The following KMT5B variants were observed in gnomAD, a reference collection of about 807,000 sequenced individuals.
The protein encoded by KMT5B is histone-lysine N-methyltransferase KMT5B.
Under a neutral mutation model 83.2 loss-of-function variants are expected in KMT5B, and 10 were observed. The observed-to-expected ratio is 0.12, with a 90% CI of 0.07 to 0.20. The LOEUF is 0.20. KMT5B is among the 10% of genes least tolerant of loss of function. The pLI, the probability that KMT5B is intolerant of heterozygous loss-of-function variation, is 1.00. For synonymous variants in KMT5B, 349 were observed against 388.8 expected (o/e 0.90, Z 1.20); for missense variants, 753 against 1,067.2 (o/e 0.71, Z 4.10).
chr11:68,165,994 A>G, intron 10 of KMT5B: 3 of 1,612,646 alleles, frequency 1.9e-6, no homozygotes, highest in Non-Finnish European at 2.5e-6. Flanking sequence ...AACATCTGAA[A>G]GTAGGGAGAA....
intron 10 of KMT5B, chr11:68,164,663 G>C (rs1172550051): frequency 1.9e-6 from 1 of 514,544 alleles, no homozygotes; most frequent in Non-Finnish European, 3.9e-6. Flanking sequence ...CTGATCCTTG[G>C]ATTGCTCCAA....
intron 1 of KMT5B, among the ~76,000 whole-genome samples, chr11:68,208,596 C>T (rs1409885674): frequency 1.3e-5 from 2 of 152,058 alleles, no homozygotes; most frequent in Admixed American, 6.6e-5. Context: ...CAATCTGATG[C>T]GAGCTGTAAG....
chr11:68,188,365 A>C (rs893119512), intron 2 of KMT5B, among the ~76,000 whole-genome samples: 3 of 144,834 alleles, frequency 2.1e-5, no homozygotes, highest in African/African-American at 5.2e-5. Flanking sequence ...TTCTTTAAAC[A>C]AGAGTCTCAT....
At chr11:68,213,598 C>G (rs1001600196), upstream of KMT5B, 17 of 153,652 alleles carry the variant, frequency 1.1e-4, no homozygotes, top group Admixed American at 1.1e-3. Context: ...CATCGCCCCG[C>G]TGCCCTGCCG....
intron 9 of KMT5B, among the ~76,000 whole-genome samples, chr11:68,169,566 G>A (rs1855647455): frequency 6.6e-6 from 1 of 152,186 alleles, no homozygotes; most frequent in Non-Finnish European, 1.5e-5. Context: ...ATGCTTTACA[G>A]GAAATAACAA....
At chr11:68,191,801 C>T (rs575830277) in intron 1 of KMT5B, among the ~76,000 whole-genome samples, 71 of 152,224 alleles carry the variant, frequency 4.7e-4, no homozygotes, top group Non-Finnish European at 8.5e-4. Flanking sequence ...CCTAAGTGTA[C>T]GGTGTTAATA....
intron 1 of KMT5B, among the ~76,000 whole-genome samples, chr11:68,191,127 C>T (rs1278088381): frequency 6.6e-6 from 1 of 151,062 alleles, no homozygotes; most frequent in Non-Finnish European, 1.5e-5. Context: ...TCCCAAGTAG[C>T]TGGGACTAGA....
intron 1 of KMT5B, among the ~76,000 whole-genome samples, chr11:68,201,092 A>G (rs898102799): frequency 3.3e-5 from 5 of 152,196 alleles, no homozygotes; most frequent in African/African-American, 1.2e-4. Context: ...TTTAAAGGGG[A>G]AAAGATTTCA....
chr11:68,206,450 C>T (rs1003819047), intron 1 of KMT5B, among the ~76,000 whole-genome samples: 3 of 152,250 alleles, frequency 2.0e-5, no homozygotes, highest in East Asian at 1.9e-4. Context: ...TTGGGCTGGA[C>T]GTTAGAGGCC....
rs201173636 is a variant in KMT5B at position 68,158,726 on chromosome 11, C to T, written c.1620G>A (p.Arg540=). Reference sequence around the variant, plus strand: ...TCAGATTTGTTCTTGTCCTCACTGACCGCCGAGTTATGTAGGTGCAGGGCG... The same window carrying T: ...TCAGATTTGTTCTTGTCCTCACTGATCGCCGAGTTATGTAGGTGCAGGGCG... ...ESSPCTYITR[R]SVRTRTNLKE... Residue 540 remains arginine, a synonymous_variant, in exon 11 of 11, where the codon CGG becomes CGA. Coordinates refer to ENST00000304363, the MANE Select transcript of KMT5B (RefSeq NM_017635.5). 8.1e-6 allele frequency: 13 copies of T among 1,614,144 alleles called. No individual in the cohort carries two copies. In the East Asian group the frequency reaches 2.9e-4, roughly 36 times the overall value.
At chr11:68,162,171 A>G (rs1288927323) in intron 10 of KMT5B, among the ~76,000 whole-genome samples, 2 of 152,136 alleles carry the variant, frequency 1.3e-5, no homozygotes, top group Non-Finnish European at 2.9e-5. Context: ...TGCATGAACT[A>G]TGGCAGTTTT....
At chr11:68,162,053 G>A (rs565976403) in intron 10 of KMT5B, among the ~76,000 whole-genome samples, 1 of 152,242 alleles carries the variant, frequency 6.6e-6, no homozygotes, top group African/African-American at 2.4e-5. Context: ...CTTGACTCCT[G>A]CTCTCCTGAA....
intron 1 of KMT5B, among the ~76,000 whole-genome samples, chr11:68,196,508 A>G (rs1209192370): frequency 6.7e-6 from 1 of 149,846 alleles, no homozygotes; most frequent in African/African-American, 2.5e-5. Flanking sequence ...AACTGATGAA[A>G]TAAATAGGTT....
rs775068563 is a variant in KMT5B, at chr11:68,157,970, T to C, written c.2376A>G (p.Thr792=). The C allele has an allele frequency of 1.2e-5, 20 of 1,614,200 alleles. No homozygotes were observed. The South Asian group carries it at 2.0e-4, about 16-fold the overall frequency. ...KRDEENRGSY[T]EGLHENGVCC... is the part of the protein sequence containing the mutation. ...ACACCCCATTTTCATGAAGCCCCTCTGTATAAGACCCCCTATTTTCCTCAT... is the reference window on the plus strand; with the variant it reads ...ACACCCCATTTTCATGAAGCCCCTCCGTATAAGACCCCCTATTTTCCTCAT... The change falls in exon 11 of 11, where the codon ACA becomes ACG. Residue 792 remains threonine (T), a synonymous_variant. Transcript: ENST00000304363.
At chr11:68,190,386 T>A (rs937477842) in intron 1 of KMT5B, among the ~76,000 whole-genome samples, 2 of 152,240 alleles carry the variant, frequency 1.3e-5, no homozygotes, top group Non-Finnish European at 2.9e-5. Flanking sequence ...TATATTATAC[T>A]TTTTACTGTT....
At chr11:68,207,786 A>G (rs1299546619) in intron 1 of KMT5B, among the ~76,000 whole-genome samples, 10 of 134,398 alleles carry the variant, frequency 7.4e-5, no homozygotes, top group Middle Eastern at 3.6e-3. Flanking sequence ...GTGAGACTCC[A>G]TCTCAAAAAA....
intron 4 of KMT5B, chr11:68,179,504 G>A (rs771069885): frequency 1.5e-6 from 2 of 1,304,018 alleles, no homozygotes; most frequent in South Asian, 1.2e-5. Context: ...TCACTTCCCA[G>A]GTTTTCTTGC....
chr11:68,163,577 C>T (rs1359061787), intron 10 of KMT5B, among the ~76,000 whole-genome samples: 4 of 152,218 alleles, frequency 2.6e-5, no homozygotes, highest in Non-Finnish European at 5.9e-5. Flanking sequence ...CCTTCCTGAG[C>T]ACTCAGGCCG....
intron 4 of KMT5B, among the ~76,000 whole-genome samples, chr11:68,176,150 C>T (rs1300982458): frequency 6.6e-6 from 1 of 152,124 alleles, no homozygotes; most frequent in Admixed American, 6.6e-5. Context: ...AGTGGTCTGC[C>T]CACCTTGGCC....
Sources: gnomAD v4.1 joint callset for allele counts (sites outside exome capture counted in the v4.1 genomes callset) on GRCh38, gnomAD v4.1.1 for gene constraint, MANE v1.5 for transcripts, NCBI Gene and HGNC (gene_info 2026-07-23, HGNC 2026-07-21) for gene names.